METTL24: variants seen among roughly 807,000 people sequenced by gnomAD.
METTL24 encodes the protein methyltransferase like 24.
In METTL24, 29 loss-of-function variants were observed where a neutral mutation model predicts 32.7. The ratio of observed to expected loss-of-function variants is 0.89; its 90% confidence interval spans 0.66 to 1.21. The LOEUF is 1.21. Among genes scored for constraint, METTL24 ranks in the 50% most tolerant of loss-of-function variants. The probability of loss-of-function intolerance (pLI) is 0.00; values close to 1 mark genes in which losing one functional copy is unlikely to be tolerated. For synonymous variants in METTL24, 163 were observed against 179.5 expected, an observed-to-expected ratio of 0.91 and a Z score of 0.73; for missense variants, 439 against 468.1, an observed-to-expected ratio of 0.94 and a Z score of 0.57.
At chr6:110,322,916 C>A in intron 1 of METTL24, 44 bp from the exon 2 acceptor site, 1 of 1,499,286 alleles carries the variant, frequency 6.7e-7, no homozygotes, top group Non-Finnish European at 9.2e-7. Flanking sequence ...GGAAGAGGAA[C>A]TGGGTGGGAG....
chr6:110,250,934 T>C (rs2114690757), intron 4 of METTL24, among the ~76,000 whole-genome samples: 1 of 152,328 alleles, frequency 6.6e-6, no homozygotes, highest in Admixed American at 6.5e-5. Flanking sequence ...TCCTCACATC[T>C]ACAGTTTCTA....
At chr6:110,324,950 G>A (rs954568301) in intron 1 of METTL24, among the ~76,000 whole-genome samples, 1 of 152,226 alleles carries the variant, frequency 6.6e-6, no homozygotes, top group African/African-American at 2.4e-5. Context: ...AACTTCGATA[G>A]TAAAATGCTA....
chr6:110,253,465 A>G (rs1778321570), intron 4 of METTL24, among the ~76,000 whole-genome samples: 1 of 152,192 alleles, frequency 6.6e-6, no homozygotes, highest in African/African-American at 2.4e-5. Flanking sequence ...ATTCATGAAA[A>G]TCTTTTTTTA....
At chr6:110,333,392 C>A (rs1481966124) in intron 1 of METTL24, among the ~76,000 whole-genome samples, 2 of 152,072 alleles carry the variant, frequency 1.3e-5, no homozygotes, top group Non-Finnish European at 2.9e-5. Flanking sequence ...TATTTGTAAA[C>A]CGTGTTTTTA....
At chr6:110,332,743 T>C (rs911655543) in intron 1 of METTL24, among the ~76,000 whole-genome samples, 7 of 151,742 alleles carry the variant, frequency 4.6e-5, no homozygotes, top group Non-Finnish European at 1.0e-4. Context: ...CCCTCATCTC[T>C]ATGAAAAGTT....
At chr6:110,315,102 C>T (rs959813893) in intron 3 of METTL24, among the ~76,000 whole-genome samples, 33 of 151,736 alleles carry the variant, frequency 2.2e-4, no homozygotes, top group African/African-American at 6.5e-4. Context: ...ATGATGAGAA[C>T]GGGGGCTTCC....
chr6:110,294,427 A>G (rs1771374555), intron 4 of METTL24, among the ~76,000 whole-genome samples: 1 of 151,862 alleles, frequency 6.6e-6, no homozygotes, highest in Non-Finnish European at 1.5e-5. Flanking sequence ...TTAATTATAT[A>G]CTTTTTAAAT....
chr6:110,349,775 A>G (rs1263315555), intron 1 of METTL24, among the ~76,000 whole-genome samples: 1 of 152,240 alleles, frequency 6.6e-6, no homozygotes, highest in Admixed American at 6.5e-5. Context: ...TAACCTTCCA[A>G]ACTGCCAGCT....
chr6:110,249,088 G>A (rs138273091), intron 4 of METTL24, among the ~76,000 whole-genome samples: 2 of 151,958 alleles, frequency 1.3e-5, no homozygotes, highest in East Asian at 1.9e-4. Context: ...GGAATACATC[G>A]AAGTATTAAA....
At chr6:110,336,752 A>G (rs1303501245) in intron 1 of METTL24, among the ~76,000 whole-genome samples, 1 of 149,524 alleles carries the variant, frequency 6.7e-6, no homozygotes, top group Admixed American at 6.6e-5. Flanking sequence ...AAAAAAAAAA[A>G]AAAACAAAAA....
At chr6:110,349,992 C>T (rs952276086) in intron 1 of METTL24, among the ~76,000 whole-genome samples, 3 of 152,204 alleles carry the variant, frequency 2.0e-5, no homozygotes, top group African/African-American at 4.8e-5. Flanking sequence ...GATAGAACCT[C>T]GGCCACTGAG....
intron 3 of METTL24, among the ~76,000 whole-genome samples, chr6:110,305,483 A>C (rs1582414263): frequency 6.6e-6 from 1 of 151,472 alleles, no homozygotes; most frequent in East Asian, 1.9e-4. Context: ...ATTTACAAGA[A>C]AAAAACAAAC....
chr6:110,308,340 A>T (rs992549078), intron 3 of METTL24, among the ~76,000 whole-genome samples: 1 of 152,190 alleles, frequency 6.6e-6, no homozygotes. Context: ...TCTTTTAAAA[A>T]TATTCCCAAA....
chr6:110,265,173 GAAAGAAAGAAAGA>G (rs1770831847), intron 4 of METTL24, among the ~76,000 whole-genome samples: 1 of 147,896 alleles, frequency 6.8e-6, no homozygotes, highest in African/African-American at 2.6e-5. Flanking sequence ...AAGAAAGAAA[GAAAGAAAGAAAGA>G]AAGAAAGAAA....
At chr6:110,321,123 GCTA>G (rs1264230047) in intron 2 of METTL24, among the ~76,000 whole-genome samples, 1 of 152,114 alleles carries the variant, frequency 6.6e-6, no homozygotes, top group African/African-American at 2.4e-5. Flanking sequence ...TGTAATCCCA[GCTA>G]CTCGGGAGGC....
intron 1 of METTL24, among the ~76,000 whole-genome samples, chr6:110,331,800 A>C (rs1325020385): frequency 6.6e-6 from 1 of 152,200 alleles, no homozygotes; most frequent in Non-Finnish European, 1.5e-5. Flanking sequence ...TATGTGTCAT[A>C]AGCAAAGTGC....
chr6:110,354,477 A>C (rs1406431445), intron 1 of METTL24, among the ~76,000 whole-genome samples: 2 of 152,242 alleles, frequency 1.3e-5, no homozygotes, highest in Admixed American at 6.5e-5. Context: ...CTCCTTTATC[A>C]ATCTGGGAGG....
intron 1 of METTL24, among the ~76,000 whole-genome samples, chr6:110,335,424 A>C (rs1281983061): frequency 2.6e-5 from 4 of 152,196 alleles, no homozygotes; most frequent in Non-Finnish European, 5.9e-5. Flanking sequence ...ATGAGAAATG[A>C]CTAATATTCC....
At chr6:110,308,311 G>C (rs1179643893) in intron 3 of METTL24, among the ~76,000 whole-genome samples, 1 of 152,166 alleles carries the variant, frequency 6.6e-6, no homozygotes, top group Non-Finnish European at 1.5e-5. Context: ...TTGTGGCACT[G>C]TTTCAGGCCC....
Sources: allele counts gnomAD v4.1 joint callset (sites outside exome capture counted in the v4.1 genomes callset), GRCh38; gene constraint gnomAD v4.1.1; transcripts MANE v1.5; gene names NCBI Gene and HGNC (gene_info 2026-07-23, HGNC 2026-07-21).